SLIT2: variants seen among roughly 807,000 people sequenced by gnomAD.
The protein encoded by SLIT2 is slit guidance ligand 2.
Under a neutral mutation model 185.7 loss-of-function variants are expected in SLIT2, and 41 were observed. The observed-to-expected ratio is 0.22, with a 90% confidence interval of 0.17 to 0.29. The LOEUF (loss-of-function observed/expected upper bound fraction) is 0.29, where lower values mean the gene tolerates loss of function less well. Among genes scored for constraint, SLIT2 ranks in the 10% least tolerant of loss-of-function variants. SLIT2 has a pLI of 1.00. For missense variants in SLIT2, 1,571 were observed against 1,909.0 expected, an observed-to-expected ratio of 0.82 and a Z score of 3.30; for synonymous variants, 693 against 680.2, an observed-to-expected ratio of 1.02 and a Z score of -0.29.
intron 29 of SLIT2, among the ~76,000 whole-genome samples, chr4:20,580,219 C>G (rs1343117088): frequency 2.0e-5 from 3 of 150,994 alleles, no homozygotes; most frequent in Non-Finnish European, 4.4e-5. Flanking sequence ...CACCACCATA[C>G]CCAGTTATTT....
rs766039016 is a variant in SLIT2, at chr4:20,510,585, A to T, written c.986+19A>T. On this transcript the variant is annotated intron_variant, in intron 10 of 36. Transcript: ENST00000504154. ...GACGAATGTGAGTGAACAATATTCTACAATATATGTAATTTTAAAAATTAT... is the reference window on the plus strand; with the variant it reads ...GACGAATGTGAGTGAACAATATTCTTCAATATATGTAATTTTAAAAATTAT... The T allele has an allele frequency of 6.8e-7, 1 of 1,479,386 alleles. No homozygotes were observed. Among genetic ancestry groups the T allele is most frequent in the South Asian group, 1.1e-5 (1 of 87,606 alleles). The allele number at this position is 1,479,386 out of a possible 1,614,324, so 91.6% of individuals were successfully genotyped here.
At chr4:20,327,009 G>A (rs1346726323) in intron 4 of SLIT2, among the ~76,000 whole-genome samples, 1 of 151,826 alleles carries the variant, frequency 6.6e-6, no homozygotes, top group Non-Finnish European at 1.5e-5. Context: ...TTAAAACGGT[G>A]AAACTCATTT....
intron 26 of SLIT2, among the ~76,000 whole-genome samples, chr4:20,558,617 G>A (rs1427962758): frequency 6.6e-6 from 1 of 151,946 alleles, no homozygotes; most frequent in Non-Finnish European, 1.5e-5. Context: ...TATCTCCAAG[G>A]TCTGCCTGTA....
At chr4:20,284,283 T>TA (rs1715063203) in intron 4 of SLIT2, among the ~76,000 whole-genome samples, 1 of 152,200 alleles carries the variant, frequency 6.6e-6, no homozygotes, top group African/African-American at 2.4e-5. Flanking sequence ...CCTGGGGACT[T>TA]AAAAATGTGC....
chr4:20,554,845 C>T (rs1023861815), intron 26 of SLIT2, among the ~76,000 whole-genome samples: 1 of 152,022 alleles, frequency 6.6e-6, no homozygotes, highest in Non-Finnish European at 1.5e-5. Flanking sequence ...CTCACTGCAA[C>T]CTCCACCTCC....
At chr4:20,574,740 T>C (rs1232770525) in intron 29 of SLIT2, among the ~76,000 whole-genome samples, 1 of 149,192 alleles carries the variant, frequency 6.7e-6, no homozygotes, top group Non-Finnish European at 1.5e-5. Context: ...TGAGCCGAGA[T>C]TGTGCCAGTG....
At position 20,264,245 on chromosome 4, in the gene SLIT2, A is replaced by G. The variant is rs149617260; in HGVS notation, c.324-4565A>G. 2.1e-4 allele frequency among the ~76,000 whole-genome samples: 32 copies of G among 152,048 alleles called. No individual in the cohort carries two copies. In the East Asian group the frequency reaches 5.8e-3, roughly 28 times the overall value. Reference sequence around the variant, plus strand: ...AAAGTGTTAAAATAAAAACATTTTTATAAGAGAAGTCAAAATTTACCTGAG... The same window carrying G: ...AAAGTGTTAAAATAAAAACATTTTTGTAAGAGAAGTCAAAATTTACCTGAG... On this transcript the variant is annotated intron_variant, in intron 3 of 36. Coordinates refer to ENST00000504154, the MANE Select transcript of SLIT2 (RefSeq NM_004787.4).
rs561885522 is a variant in SLIT2 at position 20,433,185 on chromosome 4, A to C, written c.396-34567A>C. Among the ~76,000 whole-genome samples the C allele has an allele frequency of 1.7e-4, 26 of 152,332 alleles. No homozygotes were observed. The South Asian group carries it at 5.0e-3, about 29-fold the overall frequency. ...ATGAAAGCCACTAGAAGCTGTTAGA[A>C]TGCCTTTGGCTTGGTATGGGCACTG... On this transcript the variant is annotated intron_variant, in intron 4 of 36. Coordinates refer to ENST00000504154, the MANE Select transcript of SLIT2 (RefSeq NM_004787.4).
intron 4 of SLIT2, among the ~76,000 whole-genome samples, chr4:20,279,488 A>G (rs1714511527): frequency 6.6e-6 from 1 of 152,174 alleles, no homozygotes; most frequent in Admixed American, 6.6e-5. Context: ...CCACATGATC[A>G]TTCATTATAA....
At chr4:20,432,371 T>A (rs1182713858) in intron 4 of SLIT2, among the ~76,000 whole-genome samples, 1 of 152,112 alleles carries the variant, frequency 6.6e-6, no homozygotes, top group African/African-American at 2.4e-5. Context: ...TAGTCCACAG[T>A]GAAGCAAGAA....
chr4:20,523,494 G>A (rs1054498273), intron 12 of SLIT2, among the ~76,000 whole-genome samples: 10 of 152,152 alleles, frequency 6.6e-5, no homozygotes, highest in Admixed American at 5.9e-4. Context: ...TCCCACCTTT[G>A]TATCTTCCAG....
chr4:20,403,731 G>C (rs760291808), intron 4 of SLIT2, among the ~76,000 whole-genome samples: 1 of 151,956 alleles, frequency 6.6e-6, no homozygotes, highest in East Asian at 1.9e-4. Flanking sequence ...AATAAGCTCC[G>C]TTAGCAAAAC....
At chr4:20,348,725 A>C (rs1721638935) in intron 4 of SLIT2, among the ~76,000 whole-genome samples, 1 of 152,200 alleles carries the variant, frequency 6.6e-6, no homozygotes, top group Admixed American at 6.5e-5. Flanking sequence ...TGTCATTAAG[A>C]GTTCGTTTGT....
At chr4:20,296,270 G>A (rs970701836) in intron 4 of SLIT2, among the ~76,000 whole-genome samples, 2 of 151,992 alleles carry the variant, frequency 1.3e-5, no homozygotes, top group Non-Finnish European at 2.9e-5. Context: ...GCAGAATATG[G>A]CATTAAGCAA....
At chr4:20,511,267 AT>A in intron 11 of SLIT2, 130 bp downstream of exon 11, 1 of 561,798 alleles carries the variant, frequency 1.8e-6, no homozygotes, top group East Asian at 2.8e-5. Flanking sequence ...AATGTTAATT[AT>A]TATTAACCAC....
At chr4:20,412,878 A>T (rs973401625) in intron 4 of SLIT2, among the ~76,000 whole-genome samples, 2 of 152,134 alleles carry the variant, frequency 1.3e-5, no homozygotes, top group Non-Finnish European at 2.9e-5. Flanking sequence ...AGGAAAATCA[A>T]TCATGAATGT....
intron 4 of SLIT2, among the ~76,000 whole-genome samples, chr4:20,417,423 T>TAG (rs1282378346): frequency 7.3e-6 from 1 of 137,654 alleles, no homozygotes; most frequent in African/African-American, 2.7e-5. Context: ...CAATCATATA[T>TAG]ATATGTGTGT....
chr4:20,509,894 A>T lies in SLIT2; in HGVS notation c.915-601A>T, dbSNP rs376492854. 4.7e-4 allele frequency among the ~76,000 whole-genome samples: 71 copies of T among 152,320 alleles called. No individual in the cohort carries two copies. In the Middle Eastern group the frequency reaches 0.014, roughly 29 times the overall value. ...CTTTGCTGCAGTGGTTTTTATGTGAAATATTCACAAAATGAATCCACAGAG... is the reference window on the plus strand; with the variant it reads ...CTTTGCTGCAGTGGTTTTTATGTGATATATTCACAAAATGAATCCACAGAG... On this transcript the variant is annotated intron_variant, in intron 9 of 36. Coordinates refer to ENST00000504154, the MANE Select transcript of SLIT2 (RefSeq NM_004787.4).
chr4:20,311,651 A>G (rs896832795), intron 4 of SLIT2, among the ~76,000 whole-genome samples: 4 of 152,204 alleles, frequency 2.6e-5, no homozygotes, highest in African/African-American at 9.6e-5. Context: ...AAAATAGTCC[A>G]GTCAATGATA....
Sources: gnomAD v4.1 joint callset for allele counts (sites outside exome capture counted in the v4.1 genomes callset) on GRCh38, gnomAD v4.1.1 for gene constraint, MANE v1.5 for transcripts, NCBI Gene and HGNC (gene_info 2026-07-23, HGNC 2026-07-21) for gene names.